Variants in SGCZ observed in about 807,000 individuals in gnomAD.
SGCZ encodes zeta-sarcoglycan.
Under a neutral mutation model 41.3 loss-of-function variants are expected in SGCZ, and 40 were observed. That is an observed-to-expected ratio of 0.97 (90% CI 0.75 to 1.26). The LOEUF is 1.26. SGCZ is among the 50% of genes most tolerant of loss of function. The pLI is 0.00. For missense variants in SGCZ, 552 were observed against 369.8 expected, an observed-to-expected ratio of 1.49 and a Z score of -4.04; for synonymous variants, 206 against 137.5, an observed-to-expected ratio of 1.50 and a Z score of -3.49.
intron 1 of SGCZ, among the ~76,000 whole-genome samples, chr8:15,041,027 T>A (rs1031426580): frequency 6.6e-6 from 1 of 151,950 alleles, no homozygotes; most frequent in Non-Finnish European, 1.5e-5. Flanking sequence ...ATTTAAATAA[T>A]AGAGTAAAAT....
Position 15,184,380 on chromosome 8 carries a change from G to T in SGCZ, c.39+53205C>A, listed in dbSNP as rs368222188. Among the ~76,000 whole-genome samples, 7 of 152,126 alleles carry T rather than the reference G, an allele frequency of 4.6e-5. No homozygotes were observed. The East Asian group carries it at 1.2e-3, about 25-fold the overall frequency. On this transcript the variant is annotated intron_variant, in intron 1 of 7. Coordinates refer to ENST00000382080, the MANE Select transcript of SGCZ (RefSeq NM_139167.4). ...CACACCGATTTGAAAAACTGAAACA[G>T]CTGCATCTCTATATCCCCAAAATAG...
At chr8:14,342,820 T>C (rs1035263525) in intron 2 of SGCZ, among the ~76,000 whole-genome samples, 4 of 152,196 alleles carry the variant, frequency 2.6e-5, no homozygotes, top group Non-Finnish European at 5.9e-5. Flanking sequence ...CTAGTGTTAA[T>C]CACCAAGACT....
rs142928231 is a variant in SGCZ, at chr8:14,144,666, C to A, written c.547+19914G>T. On this transcript the variant is annotated intron_variant, in intron 5 of 7. Coordinates refer to ENST00000382080, the MANE Select transcript of SGCZ (RefSeq NM_139167.4). ...GCATTGCCACATGGGTGTAGAGCACCAAGCAGGCTCCTGGAGTCCCCAGCT... is the reference window on the plus strand; with the variant it reads ...GCATTGCCACATGGGTGTAGAGCACAAAGCAGGCTCCTGGAGTCCCCAGCT... Among the ~76,000 whole-genome samples, 92 of 151,906 alleles carry A rather than the reference C, an allele frequency of 6.1e-4. 1 individual carries two copies. The highest frequency in any genetic ancestry group is 2.1e-3 in the African/African-American group (87 of 41,404).
At chr8:14,850,248 C>T (rs966888771) in intron 1 of SGCZ, among the ~76,000 whole-genome samples, 7 of 152,070 alleles carry the variant, frequency 4.6e-5, no homozygotes, top group Admixed American at 2.6e-4. Flanking sequence ...ATTTACTGAA[C>T]AGTTAAAATA....
chr8:14,101,924 G>C (rs55674347), intron 7 of SGCZ, among the ~76,000 whole-genome samples: 2 of 151,484 alleles, frequency 1.3e-5, no homozygotes, highest in African/African-American at 4.8e-5. Flanking sequence ...ACGGAGTCTC[G>C]CTCTGTCGCC....
intron 2 of SGCZ, among the ~76,000 whole-genome samples, chr8:14,356,645 C>G (rs949727019): frequency 2.0e-5 from 3 of 151,842 alleles, no homozygotes; most frequent in African/African-American, 7.3e-5. Flanking sequence ...AAAATCTTTA[C>G]CCATATGAAG....
intron 1 of SGCZ, among the ~76,000 whole-genome samples, chr8:15,161,150 C>A (rs1799502040): frequency 6.6e-6 from 1 of 152,066 alleles, no homozygotes; most frequent in Non-Finnish European, 1.5e-5. Flanking sequence ...TCACCCTCCT[C>A]CTGTGGGTCC....
At chr8:14,820,198 G>A (rs892210283) in intron 1 of SGCZ, among the ~76,000 whole-genome samples, 3 of 151,846 alleles carry the variant, frequency 2.0e-5, no homozygotes, top group African/African-American at 4.8e-5. Context: ...GACATTTCAG[G>A]CAAATGAAAA....
chr8:14,918,177 T>C (rs1020461861), intron 1 of SGCZ, among the ~76,000 whole-genome samples: 2 of 152,150 alleles, frequency 1.3e-5, no homozygotes, highest in African/African-American at 4.8e-5. Context: ...CTCCATTTTC[T>C]TTAGTCATCC....
intron 1 of SGCZ, among the ~76,000 whole-genome samples, chr8:14,577,534 C>A (rs1563127531): frequency 6.6e-6 from 1 of 151,976 alleles, no homozygotes; most frequent in South Asian, 2.1e-4. Context: ...ACTATAGGTG[C>A]ATCTCAACAT....
chr8:14,514,070 A>AT (rs1433824661), intron 2 of SGCZ, among the ~76,000 whole-genome samples: 2 of 152,104 alleles, frequency 1.3e-5, no homozygotes, highest in Non-Finnish European at 2.9e-5. Flanking sequence ...TGCATTGGTG[A>AT]TAGCAGCATA....
At chr8:15,060,787 T>A (rs1037927120) in intron 1 of SGCZ, among the ~76,000 whole-genome samples, 3 of 152,174 alleles carry the variant, frequency 2.0e-5, no homozygotes, top group Admixed American at 2.0e-4. Context: ...AGGGTTGTTT[T>A]GTTTTTGTTG....
Position 14,430,169 on chromosome 8 carries a change from G to C in SGCZ, c.235-105965C>G, listed in dbSNP as rs180877519. Reference sequence around the variant, plus strand: ...ACACTATTCCCACAAGATAGAGAAAGAGGGAATCCTCCCTACATCATTCTA... The same window carrying C: ...ACACTATTCCCACAAGATAGAGAAACAGGGAATCCTCCCTACATCATTCTA... On this transcript the variant is annotated intron_variant, in intron 2 of 7. Coordinates refer to ENST00000382080, the MANE Select transcript of SGCZ (RefSeq NM_139167.4). Among the ~76,000 whole-genome samples, 541 of 152,162 alleles carry C rather than the reference G, an allele frequency of 3.6e-3. 2 individuals are homozygous for C. The highest frequency in any genetic ancestry group is 0.015 in the South Asian group (71 of 4,814).
At chr8:15,213,687 G>C (rs546975178) in intron 1 of SGCZ, among the ~76,000 whole-genome samples, 89 of 151,596 alleles carry the variant, frequency 5.9e-4, no homozygotes, top group South Asian at 1.0e-3. Flanking sequence ...AATTTTCACA[G>C]ACTTAAGGTA....
At chr8:14,636,800 G>A (rs950074611) in intron 1 of SGCZ, among the ~76,000 whole-genome samples, 2 of 151,812 alleles carry the variant, frequency 1.3e-5, no homozygotes, top group African/African-American at 4.8e-5. Context: ...ATAAATTCCA[G>A]TTGAGACCAT....
intron 1 of SGCZ, among the ~76,000 whole-genome samples, chr8:14,762,768 A>G (rs184702290): frequency 4.5e-4 from 69 of 152,342 alleles, no homozygotes; most frequent in African/African-American, 1.5e-3. Context: ...CTTTTTATAA[A>G]TAATGAAATA....
At chr8:14,314,307 C>A (rs1198173025) in intron 3 of SGCZ, among the ~76,000 whole-genome samples, 1 of 151,956 alleles carries the variant, frequency 6.6e-6, no homozygotes, top group Admixed American at 6.6e-5. Flanking sequence ...CCACTCTTAA[C>A]GTAGTCCAAA....
intron 1 of SGCZ, among the ~76,000 whole-genome samples, chr8:15,127,261 AACACACACACACACAC>A (rs376177614): frequency 1.8e-5 from 1 of 55,368 alleles, no homozygotes; most frequent in Admixed American, 2.0e-4. Flanking sequence ...CACACAAACA[AACACACACACACACAC>A]ACACACACAC....
At chr8:14,900,806 G>C (rs1798946126) in intron 1 of SGCZ, among the ~76,000 whole-genome samples, 3 of 152,126 alleles carry the variant, frequency 2.0e-5, no homozygotes, top group Admixed American at 2.0e-4. Context: ...AGGTAACATA[G>C]CCAAAATTCA....
Sources: gnomAD v4.1 joint callset for allele counts (sites outside exome capture counted in the v4.1 genomes callset) on GRCh38, gnomAD v4.1.1 for gene constraint, MANE v1.5 for transcripts, NCBI Gene and HGNC (gene_info 2026-07-23, HGNC 2026-07-21) for gene names.